RBFOX3: variants seen among roughly 807,000 people sequenced by gnomAD.
The protein encoded by RBFOX3 is RNA binding fox-1 homolog 3, also known as RNA binding protein fox-1 homolog 3.
RBFOX3 carries 17 observed loss-of-function variants against 48.7 expected under a neutral mutation model. That is an observed-to-expected ratio of 0.35 (90% CI 0.24 to 0.52). The LOEUF (loss-of-function observed/expected upper bound fraction) is 0.52, where lower values mean the gene tolerates loss of function less well. Ranked by LOEUF, RBFOX3 falls within the 20% of genes least tolerant of loss-of-function variation. RBFOX3 has a pLI of 0.94. For synonymous variants in RBFOX3, 212 were observed against 209.5 expected (o/e 1.01, Z -0.10); for missense variants, 382 against 497.5 (o/e 0.77, Z 2.21).
chr17:79,233,444 G>T (rs1383203016), intron 4 of RBFOX3, among the ~76,000 whole-genome samples: 5 of 152,118 alleles, frequency 3.3e-5, no homozygotes, highest in Non-Finnish European at 7.3e-5. Context: ...TGGTGATGGT[G>T]TCATGGGTAT....
intron 4 of RBFOX3, among the ~76,000 whole-genome samples, chr17:79,117,558 G>A (rs117117642): frequency 2.6e-5 from 4 of 152,298 alleles, no homozygotes; most frequent in South Asian, 2.1e-4. Context: ...CCCCTCTGCC[G>A]GGCTCCTGTG....
chr17:79,397,085 C>T (rs796670667), intron 2 of RBFOX3, among the ~76,000 whole-genome samples: 3 of 152,364 alleles, frequency 2.0e-5, no homozygotes, highest in African/African-American at 7.2e-5. Flanking sequence ...TTGTCACTTT[C>T]ACAGCATCAG....
chr17:79,118,374 C>A (rs1296130811), intron 4 of RBFOX3, among the ~76,000 whole-genome samples: 3 of 152,154 alleles, frequency 2.0e-5, no homozygotes, highest in Non-Finnish European at 2.9e-5. Context: ...GCTGGTGAGG[C>A]CCCATCGTCC....
intron 3 of RBFOX3, among the ~76,000 whole-genome samples, chr17:79,307,062 T>C (rs897595): frequency 0.51 from 77,226 of 152,250 alleles, 20,378 homozygotes; most frequent in East Asian, 0.73. Flanking sequence ...AGGCCATCCC[T>C]GGGGAGAAGA....
intron 4 of RBFOX3, among the ~76,000 whole-genome samples, chr17:79,209,579 C>T (rs370631141): frequency 8.5e-5 from 13 of 152,328 alleles, no homozygotes; most frequent in South Asian, 8.3e-4. Flanking sequence ...TGAACCACCT[C>T]GGTACCCCAG....
At chr17:79,100,354 G>T (rs1462369996) in intron 9 of RBFOX3, 2 of 152,330 alleles carry the variant, frequency 1.3e-5, no homozygotes, top group South Asian at 2.1e-4. Flanking sequence ...ACGCACTCGG[G>T]ATGCTTGCAA....
chr17:79,326,271 C>T (rs1330966637), intron 2 of RBFOX3, among the ~76,000 whole-genome samples: 2 of 152,162 alleles, frequency 1.3e-5, no homozygotes, highest in Non-Finnish European at 2.9e-5. Flanking sequence ...CTCTTGATCT[C>T]TTGCAACTGG....
rs7223328 is a variant in RBFOX3, at chr17:79,390,913, G to A, written c.-174-83089C>T. ...CCCCTGGTGGGACTGCTCGGGTGCC[G>A]GCAGGGAGTTCCTGGACCCACCCAA... is the stretch of plus-strand genomic sequence containing the variant. On this transcript the variant is annotated intron_variant, in intron 2 of 14. Transcript: ENST00000693108. The surrounding 1 kb of genome is among the most constrained non-coding windows in gnomAD (Gnocchi z 4.2). Among the ~76,000 whole-genome samples the A allele has an allele frequency of 2.7e-3, 415 of 152,224 alleles. 2 individuals carry two copies. Among genetic ancestry groups the A allele is most frequent in the African/African-American group, 9.7e-3 (403 of 41,524 alleles).
At chr17:79,371,395 G>A (rs1043098033) in intron 2 of RBFOX3, among the ~76,000 whole-genome samples, 1 of 152,228 alleles carries the variant, frequency 6.6e-6, no homozygotes, top group South Asian at 2.1e-4. Context: ...CCTCAGCTGA[G>A]TGCCCATGCT....
the RBFOX3 span, among the ~76,000 whole-genome samples, chr17:79,616,379 T>C: frequency 6.6e-6 from 1 of 151,568 alleles, no homozygotes; most frequent in Non-Finnish European, 1.5e-5. Context: ...CTACTAAAAA[T>C]ACAAAAATTA....
At chr17:79,523,402 T>C (rs1456187787) in intron 1 of RBFOX3, among the ~76,000 whole-genome samples, 1 of 152,180 alleles carries the variant, frequency 6.6e-6, no homozygotes, top group Non-Finnish European at 1.5e-5. Flanking sequence ...CCCCACTGTG[T>C]TTCAAGTGTT....
chr17:79,120,739 T>C (rs577287088), intron 4 of RBFOX3, among the ~76,000 whole-genome samples: 10 of 107,194 alleles, frequency 9.3e-5, no homozygotes, highest in Admixed American at 8.1e-4. Flanking sequence ...GGTGGATGGA[T>C]GGACAGATGG....
At chr17:79,381,514 C>G (rs1568148213) in intron 2 of RBFOX3, among the ~76,000 whole-genome samples, 2 of 152,212 alleles carry the variant, frequency 1.3e-5, no homozygotes. Context: ...ACAGCGCATC[C>G]TGGGCCACAG....
chr17:79,507,306 G>C (rs1467302864), intron 1 of RBFOX3, among the ~76,000 whole-genome samples: 1 of 152,174 alleles, frequency 6.6e-6, no homozygotes, highest in African/African-American at 2.4e-5. Flanking sequence ...AAATGGGGCA[G>C]TCACCCCCTG....
intron 2 of RBFOX3, among the ~76,000 whole-genome samples, chr17:79,370,363 C>T (rs1216085093): frequency 2.0e-5 from 3 of 152,224 alleles, no homozygotes; most frequent in African/African-American, 7.2e-5. Flanking sequence ...TTGCAGAATG[C>T]ACTTGCTGCC....
At position 79,163,164 on chromosome 17, in the gene RBFOX3, C is replaced by T. The variant is rs528464835; in HGVS notation, c.-33-47416G>A. Reference sequence around the variant, plus strand: ...CTCCCCCATCTCACCTGGGAGCATCCGGCCCCAGGACCCTAGCCGGGTCCC... The same window carrying T: ...CTCCCCCATCTCACCTGGGAGCATCTGGCCCCAGGACCCTAGCCGGGTCCC... On this transcript the variant is annotated intron_variant, in intron 4 of 14. Coordinates refer to ENST00000693108, the MANE Select transcript of RBFOX3 (RefSeq NM_001350451.2). Among the ~76,000 whole-genome samples the T allele has an allele frequency of 3.9e-4, 60 of 152,352 alleles. 1 individual carries two copies. The South Asian group carries it at 0.011, about 28-fold the overall frequency.
chr17:79,615,581 G>A (rs1022751553), upstream of RBFOX3, among the ~76,000 whole-genome samples: 2,206 of 152,308 alleles, frequency 0.014, 55 homozygotes, highest in African/African-American at 0.05. Flanking sequence ...TTCAGTGCCA[G>A]GTGAGCCTGG....
At chr17:79,126,611 C>T (rs79995104) in intron 4 of RBFOX3, among the ~76,000 whole-genome samples, 4,073 of 152,262 alleles carry the variant, frequency 0.027, 182 homozygotes, top group African/African-American at 0.091. Flanking sequence ...GGCGTGCAAA[C>T]GAGGCCCCAT....
At chr17:79,578,934 G>T (rs1461558245) in intron 1 of RBFOX3, among the ~76,000 whole-genome samples, 2 of 152,178 alleles carry the variant, frequency 1.3e-5, no homozygotes, top group Admixed American at 6.5e-5. Flanking sequence ...CAAATGCCCT[G>T]GTTAGTTACG....
Sources: gnomAD v4.1 joint callset for allele counts (sites outside exome capture counted in the v4.1 genomes callset) on GRCh38, gnomAD v4.1.1 for gene constraint, Gnocchi (gnomAD v3.1) non-coding constraint, MANE v1.5 for transcripts, NCBI Gene and HGNC (gene_info 2026-07-23, HGNC 2026-07-21) for gene names.